FIG4: variants seen among roughly 807,000 people sequenced by gnomAD.
The protein encoded by FIG4 is polyphosphoinositide phosphatase.
In FIG4, 112 loss-of-function variants were observed where a neutral mutation model predicts 118.6. That is an observed-to-expected ratio of 0.94 (90% confidence interval 0.81 to 1.11). The LOEUF is 1.11. FIG4 is among the 50% of genes least tolerant of loss of function. The probability of loss-of-function intolerance (pLI) is 0.00; values close to 1 mark genes in which losing one functional copy is unlikely to be tolerated. For synonymous variants in FIG4, 369 were observed against 381.2 expected (o/e 0.97, Z 0.37); for missense variants, 969 against 1,111.7 (o/e 0.87, Z 1.83).
intron 21 of FIG4, among the ~76,000 whole-genome samples, chr6:109,793,700 G>A (rs1273110060): frequency 2.0e-5 from 3 of 152,114 alleles, no homozygotes; most frequent in African/African-American, 7.2e-5. Flanking sequence ...TTTTAAATGA[G>A]GGCATTTCAT....
intron 1 of FIG4, among the ~76,000 whole-genome samples, chr6:109,705,767 G>C (rs1158506295): frequency 6.6e-6 from 1 of 152,138 alleles, no homozygotes; most frequent in Non-Finnish European, 1.5e-5. Flanking sequence ...TTAAAATTCT[G>C]TACAACAAAC....
At chr6:109,823,727 T>C (rs1316218885) in intron 22 of FIG4, among the ~76,000 whole-genome samples, 2 of 152,154 alleles carry the variant, frequency 1.3e-5, no homozygotes, top group African/African-American at 2.4e-5. Context: ...CAGTTTGGCA[T>C]CCAGGGTGCA....
intron 7 of FIG4, among the ~76,000 whole-genome samples, chr6:109,739,711 C>G (rs1776267446): frequency 6.6e-6 from 1 of 152,124 alleles, no homozygotes; most frequent in South Asian, 2.1e-4. Flanking sequence ...CCCCTTGGTA[C>G]TTGGAACCGA....
chr6:109,808,193 CAT>C (rs1335398700), intron 22 of FIG4, among the ~76,000 whole-genome samples: 1 of 151,792 alleles, frequency 6.6e-6, no homozygotes, highest in Non-Finnish European at 1.5e-5. Context: ...AGATAGAAAA[CAT>C]AAAGCAAAGG....
chr6:109,714,779 C>T (rs1456725392), intron 1 of FIG4, among the ~76,000 whole-genome samples: 2 of 152,256 alleles, frequency 1.3e-5, no homozygotes, highest in East Asian at 1.9e-4. Flanking sequence ...AAACATCAGC[C>T]TCCAATCAGT....
chr6:109,737,191 T>C (rs1776183573), intron 6 of FIG4, among the ~76,000 whole-genome samples: 1 of 152,142 alleles, frequency 6.6e-6, no homozygotes. Flanking sequence ...TATTCTCTTA[T>C]CGCACAGGGG....
intron 3 of FIG4, among the ~76,000 whole-genome samples, chr6:109,726,037 C>T (rs116122152): frequency 0.015 from 2,234 of 152,190 alleles, 57 homozygotes; most frequent in African/African-American, 0.051. Flanking sequence ...AATCTTCTCC[C>T]GTTCTGTAGG....
At chr6:109,741,018 G>A (rs1304185460) in intron 7 of FIG4, among the ~76,000 whole-genome samples, 3 of 152,050 alleles carry the variant, frequency 2.0e-5, no homozygotes, top group Non-Finnish European at 4.4e-5. Flanking sequence ...CAGCAAGGGG[G>A]ACGTCCGCCT....
chr6:109,758,474 C>G (rs192219841), intron 10 of FIG4, among the ~76,000 whole-genome samples: 5 of 152,294 alleles, frequency 3.3e-5, no homozygotes, highest in Admixed American at 3.3e-4. Context: ...GGATTAAACA[C>G]TTAAATGTAA....
At chr6:109,822,439 T>C (rs1054680019) in intron 22 of FIG4, among the ~76,000 whole-genome samples, 1 of 152,140 alleles carries the variant, frequency 6.6e-6, no homozygotes, top group African/African-American at 2.4e-5. Context: ...ATATTGTTAG[T>C]TTTTATATTT....
Position 109,711,813 on chromosome 6 carries a change from G to A in FIG4, c.67-3265G>A, listed in dbSNP as rs1375287623. ...GTGAACCTATCATCAGGATGTTAGC[G>A]GTCATTTTGCACACTTGTTTATGTG... On this transcript the variant is annotated intron_variant, in intron 1 of 22. Coordinates refer to ENST00000230124, the MANE Select transcript of FIG4 (RefSeq NM_014845.6). Among the ~76,000 whole-genome samples the A allele has an allele frequency of 4.6e-5, 7 of 152,084 alleles. No homozygotes were observed. In the South Asian group the frequency reaches 6.2e-4, roughly 14 times the overall value.
intron 10 of FIG4, among the ~76,000 whole-genome samples, chr6:109,758,228 C>T (rs1259266092): frequency 6.6e-6 from 1 of 152,180 alleles, no homozygotes; most frequent in Non-Finnish European, 1.5e-5. Flanking sequence ...CTACAGTAAC[C>T]AAAACAGCAT....
intron 14 of FIG4, among the ~76,000 whole-genome samples, chr6:109,765,803 A>G (rs919611510): frequency 4.1e-4 from 63 of 152,144 alleles, no homozygotes; most frequent in African/African-American, 1.4e-3. Flanking sequence ...ATGAAGTATT[A>G]TTTTTTTGAA....
intron 15 of FIG4, among the ~76,000 whole-genome samples, chr6:109,775,832 C>T (rs534552298): frequency 2.6e-4 from 39 of 152,240 alleles, no homozygotes; most frequent in Non-Finnish European, 1.2e-4. Flanking sequence ...TACCGTATTT[C>T]GTATTTCATT....
intron 1 of FIG4, among the ~76,000 whole-genome samples, chr6:109,710,909 T>TA (rs1554298937): frequency 6.7e-5 from 10 of 149,464 alleles, no homozygotes; most frequent in South Asian, 6.3e-4. Flanking sequence ...TATTAGTTTT[T>TA]AAAAAAAAAA....
rs550269004 is a variant in FIG4, at chr6:109,751,262, T to C, written c.1137+7490T>C. 2.0e-5 allele frequency among the ~76,000 whole-genome samples: 3 copies of C among 152,342 alleles called. No homozygotes were observed. The East Asian group carries it at 5.8e-4, about 29-fold the overall frequency. On this transcript the variant is annotated intron_variant, in intron 10 of 22. Coordinates refer to ENST00000230124, the MANE Select transcript of FIG4 (RefSeq NM_014845.6). The stretch of plus-strand genomic sequence containing the variant: ...GCAAATTTTTATAAGTTACTTCCCA[T>C]ATGCCAGCTGTTCTATAAAAACTCA...
intron 3 of FIG4, among the ~76,000 whole-genome samples, chr6:109,721,744 A>G (rs1775617555): frequency 6.6e-6 from 1 of 152,130 alleles, no homozygotes; most frequent in South Asian, 2.1e-4. Context: ...TTGTTGAGAG[A>G]CATTTCCAAT....
chr6:109,808,377 GAGAA>G (rs1484800632), intron 22 of FIG4, among the ~76,000 whole-genome samples: 1 of 133,856 alleles, frequency 7.5e-6, no homozygotes, highest in African/African-American at 2.8e-5. Flanking sequence ...AAAAAAAAGA[GAGAA>G]GAAAGAAAAA....
At chr6:109,732,393 G>A (rs1442324612) in intron 4 of FIG4, among the ~76,000 whole-genome samples, 4 of 152,150 alleles carry the variant, frequency 2.6e-5, no homozygotes, top group Admixed American at 2.0e-4. Context: ...GTAGATGCAC[G>A]ACTTTGCCTC....
Sources: allele counts gnomAD v4.1 joint callset (sites outside exome capture counted in the v4.1 genomes callset), GRCh38; gene constraint gnomAD v4.1.1; transcripts MANE v1.5; gene names NCBI Gene and HGNC (gene_info 2026-07-23, HGNC 2026-07-21).